The following AP3B1 variants were observed in gnomAD, a reference collection of about 807,000 sequenced individuals.
AP3B1 encodes AP-3 complex subunit beta-1.
Under a neutral mutation model 132.5 loss-of-function variants are expected in AP3B1, and 61 were observed. That is an observed-to-expected ratio of 0.46 (90% confidence interval 0.37 to 0.57). AP3B1 has a LOEUF of 0.57. Among genes scored for constraint, AP3B1 ranks in the 20% least tolerant of loss-of-function variants. The pLI is 0.00. For missense variants in AP3B1, 1,120 were observed against 1,289.4 expected (o/e 0.87, Z 2.01); for synonymous variants, 388 against 438.3 (o/e 0.89, Z 1.43).
intron 13 of AP3B1, among the ~76,000 whole-genome samples, chr5:78,157,811 G>A (rs1054557997): frequency 2.0e-5 from 3 of 151,852 alleles, no homozygotes; most frequent in East Asian, 1.9e-4. Flanking sequence ...GTACCATGGC[G>A]CAATCTCAGC....
At chr5:78,042,433 G>C (rs1018485219) in intron 22 of AP3B1, 4 of 152,184 alleles carry the variant, frequency 2.6e-5, no homozygotes, top group African/African-American at 9.7e-5. Context: ...ATGGTGTCTT[G>C]CTTTGCAGCC....
chr5:78,250,152 A>G (rs563605563), intron 2 of AP3B1, among the ~76,000 whole-genome samples: 9 of 152,166 alleles, frequency 5.9e-5, no homozygotes, highest in Non-Finnish European at 1.0e-4. Flanking sequence ...CTACTTAACT[A>G]TCAGACAGGC....
chr5:78,023,264 G>C (rs1000746166), intron 24 of AP3B1, among the ~76,000 whole-genome samples: 2 of 152,102 alleles, frequency 1.3e-5, no homozygotes, highest in African/African-American at 4.8e-5. Flanking sequence ...CAGATAATTG[G>C]AAATACAAAT....
chr5:78,106,462 AAAAGAAAGAAAG>A (rs140246615), intron 20 of AP3B1, among the ~76,000 whole-genome samples: 8 of 151,270 alleles, frequency 5.3e-5, no homozygotes, highest in Admixed American at 1.3e-4. Flanking sequence ...TGTCTCAAAA[AAAAGAAAGAAAG>A]AAAGAAAGAA....
chr5:78,141,107 A>G (rs1231926283), intron 15 of AP3B1, 36 bp downstream of exon 15: 17 of 1,587,614 alleles, frequency 1.1e-5, no homozygotes, highest in Non-Finnish European at 1.3e-5. Context: ...AGAGGAAAGT[A>G]CGTATTAGAT....
chr5:78,153,916 G>A (rs892354039), intron 14 of AP3B1, among the ~76,000 whole-genome samples: 4 of 152,066 alleles, frequency 2.6e-5, no homozygotes, highest in South Asian at 4.1e-4. Flanking sequence ...GTCTTGAAAA[G>A]TTGTCATAGT....
In AP3B1 at chr5:78,087,356, G is replaced by C. The variant is rs148913315; in HGVS notation, c.2577+2037C>G. On this transcript the variant is annotated intron_variant, in intron 22 of 26. Transcript: ENST00000255194. ...TAATGAGGAAGCTTAAACTCTGGTT[G>C]ATTCATCTTCTTTTCTCAGTACTGT... 1.0e-3 allele frequency: 211 copies of C among 206,540 alleles called. 1 individual carries two copies. Among genetic ancestry groups the C allele is most frequent in the African/African-American group, 4.8e-3 (205 of 42,492 alleles). The allele number at this position is 206,540 out of a possible 1,614,324, so 12.8% of individuals were successfully genotyped here. A position where few individuals can be genotyped will look rare whatever the true frequency, so the allele number is the denominator to read the frequency against.
intron 26 of AP3B1, among the ~76,000 whole-genome samples, chr5:78,007,166 A>C (rs1746430664): frequency 6.6e-6 from 1 of 152,242 alleles, no homozygotes; most frequent in Admixed American, 6.5e-5. Context: ...CCTATAATTC[A>C]ATTGTTCTAA....
intron 1 of AP3B1, among the ~76,000 whole-genome samples, chr5:78,293,340 G>C (rs1035438082): frequency 3.9e-5 from 6 of 152,120 alleles, no homozygotes; most frequent in African/African-American, 9.7e-5. Context: ...TAGAACAATG[G>C]ATCATCAAAT....
At position 78,175,752 on chromosome 5, in the gene AP3B1, T is replaced by C. The variant is rs777456151; in HGVS notation, c.1095+32A>G. 8.7e-6 allele frequency: 14 copies of C among 1,609,460 alleles called. No individual in the cohort carries two copies. The Admixed American group carries it at 1.2e-4, about 13-fold the overall frequency. The stretch of plus-strand genomic sequence containing the variant: ...ATTATGGTACTAATGTGTTCATGTG[T>C]CTCTTAAATTACGTGTTCAGAACAT... On this transcript the variant is annotated intron_variant, in intron 10 of 26. Coordinates refer to ENST00000255194, the MANE Select transcript of AP3B1 (RefSeq NM_003664.5).
chr5:78,254,166 C>T (rs1166287745), intron 2 of AP3B1, among the ~76,000 whole-genome samples: 5 of 150,298 alleles, frequency 3.3e-5, no homozygotes, highest in Admixed American at 3.3e-4. Context: ...TCAGAGGAGA[C>T]CAAAGAAAAA....
intron 1 of AP3B1, among the ~76,000 whole-genome samples, chr5:78,288,559 A>C (rs1749379259): frequency 6.6e-6 from 1 of 152,204 alleles, no homozygotes; most frequent in Non-Finnish European, 1.5e-5. Flanking sequence ...CTGTACTACA[A>C]TACAATGGAG....
intron 7 of AP3B1, 91 bp from the exon 8 acceptor site, chr5:78,181,753 A>G (rs1744381716): frequency 4.4e-6 from 5 of 1,124,480 alleles, no homozygotes; most frequent in South Asian, 4.1e-5. Flanking sequence ...TTAAACATCT[A>G]TAACAACATT....
intron 2 of AP3B1, among the ~76,000 whole-genome samples, chr5:78,252,160 T>C (rs950203171): frequency 2.0e-5 from 3 of 152,146 alleles, no homozygotes; most frequent in Non-Finnish European, 4.4e-5. Flanking sequence ...GAAGAGCCCT[T>C]GGGCCCTGAA....
intron 24 of AP3B1, among the ~76,000 whole-genome samples, chr5:78,026,543 T>G (rs370358710): frequency 6.6e-6 from 1 of 152,186 alleles, no homozygotes; most frequent in African/African-American, 2.4e-5. Context: ...AACCTACATA[T>G]GTAATAGGGA....
At chr5:78,146,982 TG>T (rs1285092212) in intron 14 of AP3B1, among the ~76,000 whole-genome samples, 7 of 152,064 alleles carry the variant, frequency 4.6e-5, no homozygotes, top group African/African-American at 1.7e-4. Flanking sequence ...CTCCTAAAAG[TG>T]GGTATTATCT....
chr5:78,209,574 T>C (rs1004668349), intron 7 of AP3B1, among the ~76,000 whole-genome samples: 13 of 152,200 alleles, frequency 8.5e-5, no homozygotes, highest in African/African-American at 3.1e-4. Context: ...TAATGTATTA[T>C]GCCTCCCTAA....
At chr5:78,235,638 A>G (rs1208729512) in intron 3 of AP3B1, among the ~76,000 whole-genome samples, 4 of 152,352 alleles carry the variant, frequency 2.6e-5, no homozygotes, top group African/African-American at 9.6e-5. Flanking sequence ...AAATGGGAGT[A>G]GTTAAAGCTC....
chr5:78,289,873 G>A (rs1749438082), intron 1 of AP3B1, among the ~76,000 whole-genome samples: 1 of 152,100 alleles, frequency 6.6e-6, no homozygotes, highest in African/African-American at 2.4e-5. Context: ...TAATTGTGAT[G>A]TCTAAATATC....
Sources: allele counts gnomAD v4.1 joint callset (sites outside exome capture counted in the v4.1 genomes callset), GRCh38; gene constraint gnomAD v4.1.1; transcripts MANE v1.5; gene names NCBI Gene and HGNC (gene_info 2026-07-23, HGNC 2026-07-21).